DPP6: variants seen among roughly 807,000 people sequenced by gnomAD.
DPP6 encodes the protein A-type potassium channel modulatory protein DPP6.
DPP6 carries 69 observed loss-of-function variants against 122.6 expected under a neutral mutation model. That is an observed-to-expected ratio of 0.56 (90% CI 0.46 to 0.69). DPP6 has a LOEUF of 0.69. Ranked by LOEUF, DPP6 falls within the 30% of genes least tolerant of loss-of-function variation. The probability of loss-of-function intolerance (pLI) is 0.00; values close to 1 mark genes in which losing one functional copy is unlikely to be tolerated. For synonymous variants in DPP6, 418 were observed against 433.1 expected (o/e 0.97, Z 0.43); for missense variants, 928 against 1,116.9 (o/e 0.83, Z 2.41).
intron 1 of DPP6, among the ~76,000 whole-genome samples, chr7:154,174,489 T>A (rs1221149034): frequency 6.6e-6 from 1 of 152,180 alleles, no homozygotes; most frequent in African/African-American, 2.4e-5. Context: ...AATAAATCCT[T>A]GGAATTGATA....
At chr7:153,856,480 T>C in the DPP6 span, among the ~76,000 whole-genome samples, 1 of 152,218 alleles carries the variant, frequency 6.6e-6, no homozygotes, top group Non-Finnish European at 1.5e-5. Flanking sequence ...TTTACTTTTA[T>C]TTAATTCATA....
chr7:154,858,207 T>A (rs1359325173), intron 17 of DPP6: 2 of 152,218 alleles, frequency 1.3e-5, no homozygotes, highest in East Asian at 3.8e-4. Flanking sequence ...ATATTTTAAC[T>A]CATTTCATCC....
At chr7:154,649,787 A>G (rs1452606114) in intron 6 of DPP6, among the ~76,000 whole-genome samples, 3 of 152,160 alleles carry the variant, frequency 2.0e-5, no homozygotes, top group Admixed American at 1.3e-4. Context: ...GAACTTTCTA[A>G]ATGACATATC....
At chr7:154,872,531 A>G in intron 18 of DPP6, 93 bp from the exon 19 acceptor site, 1 of 1,505,840 alleles carries the variant, frequency 6.6e-7, no homozygotes, top group Non-Finnish European at 8.9e-7. Flanking sequence ...CCCCACCCAG[A>G]GCACCCTCAC....
intron 5 of DPP6, among the ~76,000 whole-genome samples, chr7:154,627,400 A>C (rs11977558): frequency 4.0e-5 from 6 of 150,634 alleles, no homozygotes; most frequent in South Asian, 2.1e-4. Flanking sequence ...GGGTTTCACC[A>C]TGTTGGCCAG....
intron 1 of DPP6, among the ~76,000 whole-genome samples, chr7:154,008,178 A>G (rs1404858892): frequency 6.6e-6 from 1 of 152,136 alleles, no homozygotes; most frequent in Non-Finnish European, 1.5e-5. Context: ...TTGTTTAAGG[A>G]TGATAAAACA....
chr7:154,457,935 C>A, intron 2 of DPP6, among the ~76,000 whole-genome samples: 1 of 17,438 alleles, frequency 5.7e-5, no homozygotes, highest in Non-Finnish European at 1.2e-4. Context: ...AACTAGCCTG[C>A]ACAATGTGCA....
rs184419033 is a variant in DPP6, at chr7:154,326,585, G to C, written c.244-119629G>C. Among the ~76,000 whole-genome samples the C allele has an allele frequency of 4.0e-4, 61 of 152,316 alleles. No individual in the cohort carries two copies. The South Asian group carries it at 0.012, about 31-fold the overall frequency. Reference sequence around the variant, plus strand: ...CTAATTTACACAGTGTTGTATGTTTGTCAAGAATGCATAATTCTGCCAGTC... The same window carrying C: ...CTAATTTACACAGTGTTGTATGTTTCTCAAGAATGCATAATTCTGCCAGTC... On this transcript the variant is annotated intron_variant, in intron 1 of 25. Coordinates refer to ENST00000377770, the MANE Select transcript of DPP6 (RefSeq NM_130797.4).
At chr7:154,726,618 C>T (rs182486497) in intron 7 of DPP6, among the ~76,000 whole-genome samples, 154 of 152,322 alleles carry the variant, frequency 1.0e-3, no homozygotes, top group Non-Finnish European at 1.7e-3. Context: ...GAGGGGCTGC[C>T]TCAAAGTTCT....
intron 1 of DPP6, among the ~76,000 whole-genome samples, chr7:154,183,921 C>T (rs891832499): frequency 1.3e-5 from 2 of 152,338 alleles, no homozygotes; most frequent in African/African-American, 4.8e-5. Context: ...GCACTATTTG[C>T]GGAGGCATCT....
rs1171424215 is a variant in DPP6 at position 153,922,546 on chromosome 7, C to T, written c.51+34812C>T. Among the ~76,000 whole-genome samples, 19 of 152,140 alleles carry T rather than the reference C, an allele frequency of 1.2e-4. 1 individual carries two copies. Among genetic ancestry groups the T allele is most frequent in the Admixed American group, 1.2e-3 (19 of 15,272 alleles). ...GATAATCTCAGCCACCTGTCACCAG[C>T]TTAACTGCATTTCTCCAGGTCTGAG... On this transcript the variant is annotated intron_variant, in intron 1 of 25. Transcript: ENST00000404039.
At chr7:154,615,605 C>T (rs1414038136) in intron 5 of DPP6, among the ~76,000 whole-genome samples, 2 of 152,160 alleles carry the variant, frequency 1.3e-5, no homozygotes, top group Non-Finnish European at 2.9e-5. Flanking sequence ...ACTATCTATA[C>T]ACAAAACTTT....
intron 1 of DPP6, among the ~76,000 whole-genome samples, chr7:154,232,158 C>A (rs1321357932): frequency 1.3e-5 from 2 of 152,058 alleles, no homozygotes; most frequent in Non-Finnish European, 2.9e-5. Context: ...GGTGAGATGA[C>A]AAAGGGGCAG....
chr7:154,770,269 C>T (rs144238179), intron 9 of DPP6, among the ~76,000 whole-genome samples: 54 of 152,224 alleles, frequency 3.5e-4, no homozygotes, highest in Non-Finnish European at 5.3e-4. Flanking sequence ...TCTTACATGG[C>T]GGCAGACAAG....
intron 1 of DPP6, among the ~76,000 whole-genome samples, chr7:154,313,715 A>ATATATATATATATACG: frequency 2.8e-5 from 1 of 35,810 alleles, no homozygotes; most frequent in East Asian, 1.2e-3. Context: ...ATATATATAT[A>ATATATATATATATACG]CACACACACG....
At chr7:154,853,994 G>C (rs1802614236) in intron 17 of DPP6, among the ~76,000 whole-genome samples, 167 bp downstream of exon 17, 1 of 152,138 alleles carries the variant, frequency 6.6e-6, no homozygotes, top group South Asian at 2.1e-4. Context: ...AACGAAATAT[G>C]ATGAAAGTCA....
At chr7:153,793,142 A>G in the DPP6 span, among the ~76,000 whole-genome samples, 1 of 152,148 alleles carries the variant, frequency 6.6e-6, no homozygotes, top group African/African-American at 2.4e-5. Context: ...AAAATGTGGA[A>G]GTGACATTGG....
intron 1 of DPP6, among the ~76,000 whole-genome samples, chr7:154,419,564 C>T (rs1446869210): frequency 6.6e-6 from 1 of 152,208 alleles, no homozygotes; most frequent in East Asian, 1.9e-4. Context: ...CACCAGCGAC[C>T]TCCCACACCC....
At chr7:154,778,199 C>T (rs1029943296) in intron 10 of DPP6, among the ~76,000 whole-genome samples, 3 of 152,114 alleles carry the variant, frequency 2.0e-5, no homozygotes, top group African/African-American at 7.2e-5. Context: ...AGGATAGAAA[C>T]AGATAGAGCT....
Sources: allele counts gnomAD v4.1 joint callset (sites outside exome capture counted in the v4.1 genomes callset), GRCh38; gene constraint gnomAD v4.1.1; transcripts MANE v1.5; gene names NCBI Gene and HGNC (gene_info 2026-07-23, HGNC 2026-07-21).